Variants in PLXNA4 observed in about 807,000 individuals in gnomAD.
The protein encoded by PLXNA4 is plexin-A4.
Under a neutral mutation model 191.8 loss-of-function variants are expected in PLXNA4, and 44 were observed. The ratio of observed to expected loss-of-function variants is 0.23; its 90% CI spans 0.18 to 0.29. PLXNA4 has a LOEUF of 0.29. PLXNA4 is among the 10% of genes least tolerant of loss of function. PLXNA4 has a pLI of 1.00. For synonymous variants in PLXNA4, 1,082 were observed against 1,009.5 expected, an observed-to-expected ratio of 1.07 and a Z score of -1.36; for missense variants, 1,800 against 2,488.8, an observed-to-expected ratio of 0.72 and a Z score of 5.89.
intron 1 of PLXNA4, among the ~76,000 whole-genome samples, chr7:132,528,500 A>G (rs1799499528): frequency 6.6e-6 from 1 of 152,236 alleles, no homozygotes; most frequent in South Asian, 2.1e-4. Context: ...GGATTAAGCC[A>G]GTCATGCTGG....
intron 2 of PLXNA4, among the ~76,000 whole-genome samples, chr7:132,635,342 C>G (rs535713162): frequency 6.6e-6 from 1 of 152,096 alleles, no homozygotes; most frequent in South Asian, 2.1e-4. Context: ...AGCACAGCAC[C>G]TGGCACAGAG....
intron 3 of PLXNA4, among the ~76,000 whole-genome samples, chr7:132,334,087 T>C (rs1052133226): frequency 6.6e-6 from 1 of 152,156 alleles, no homozygotes; most frequent in African/African-American, 2.4e-5. Context: ...ACATTATATG[T>C]AATCTCCTTA....
chr7:132,253,875 C>G (rs1435374678), intron 4 of PLXNA4, among the ~76,000 whole-genome samples: 1 of 152,196 alleles, frequency 6.6e-6, no homozygotes, highest in African/African-American at 2.4e-5. Flanking sequence ...CTACAGCCCC[C>G]ATATGTGCAG....
rs1794759526 is a variant in PLXNA4 at position 132,126,005 on chromosome 7, G to A, written c.*4474C>T. ...CTCACTGCTTGGCTGTCTGTGAGGT[G>A]GGAGGTTTGTCCTTGACTGATAACA... On this transcript the variant is annotated 3_prime_UTR_variant, in exon 32 of 32. Transcript: ENST00000321063. 1 of 152,286 alleles carries A rather than the reference G, an allele frequency of 6.6e-6. No individual in the cohort carries two copies. The highest frequency in any genetic ancestry group is 2.4e-5 in the African/African-American group (1 of 41,430). The allele number at this position is 152,286 out of a possible 1,614,324, so 9.4% of individuals were successfully genotyped here.
At chr7:132,603,356 T>C (rs1563191995) in intron 2 of PLXNA4, among the ~76,000 whole-genome samples, 1 of 152,126 alleles carries the variant, frequency 6.6e-6, no homozygotes, top group Non-Finnish European at 1.5e-5. Context: ...GTCACCAGAA[T>C]CCCTTGTCAG....
At chr7:132,220,581 A>G (rs1054934528) in intron 9 of PLXNA4, among the ~76,000 whole-genome samples, 4 of 152,120 alleles carry the variant, frequency 2.6e-5, no homozygotes, top group Non-Finnish European at 5.9e-5. Flanking sequence ...GCAAGAGCTT[A>G]GTACATACAG....
At chr7:132,425,146 A>C (rs532774383) in intron 3 of PLXNA4, among the ~76,000 whole-genome samples, 1 of 152,342 alleles carries the variant, frequency 6.6e-6, no homozygotes, top group Non-Finnish European at 1.5e-5. Context: ...TTGGAGGCTC[A>C]GGCCATGTCA....
At chr7:132,256,871 TG>T (rs1242341222) in intron 4 of PLXNA4, among the ~76,000 whole-genome samples, 2 of 152,040 alleles carry the variant, frequency 1.3e-5, no homozygotes, top group Non-Finnish European at 2.9e-5. Context: ...TGGAAGGCTA[TG>T]GGGGCACAGG....
At chr7:132,362,220 G>A (rs370990237) in intron 3 of PLXNA4, among the ~76,000 whole-genome samples, 4 of 152,304 alleles carry the variant, frequency 2.6e-5, no homozygotes, top group East Asian at 3.9e-4. Context: ...TCATACTTCC[G>A]TCTTCAATGG....
chr7:132,637,676 C>G (rs956021731), intron 2 of PLXNA4, among the ~76,000 whole-genome samples: 1 of 152,298 alleles, frequency 6.6e-6, no homozygotes, highest in East Asian at 1.9e-4. Flanking sequence ...AGTTTCCCCA[C>G]TTGTGATGTA....
Position 132,213,178 on chromosome 7 carries a change from T to TG in PLXNA4, c.2098-2036dup, listed in dbSNP as rs142876165. Among the ~76,000 whole-genome samples the TG allele has an allele frequency of 8.5e-3, 1,287 of 152,250 alleles. 20 individuals are homozygous for TG. Among genetic ancestry groups the TG allele is most frequent in the African/African-American group, 0.029 (1,224 of 41,520 alleles). ...GGCAAATACTGCAGGGTTCCACTTGTGGGAGGTCCCTTGAGCAGTCAAATT... is the reference window on the plus strand; with the variant it reads ...GGCAAATACTGCAGGGTTCCACTTGTGGGGAGGTCCCTTGAGCAGTCAAATT... On this transcript the variant is annotated intron_variant, in intron 9 of 31. Transcript: ENST00000321063.
chr7:132,256,011 G>A (rs947361819), intron 4 of PLXNA4, among the ~76,000 whole-genome samples: 2 of 152,180 alleles, frequency 1.3e-5, no homozygotes, highest in South Asian at 2.1e-4. Context: ...AACCAAAAGC[G>A]TGCCCTGGGT....
chr7:132,214,868 A>G (rs1448543244), intron 9 of PLXNA4, among the ~76,000 whole-genome samples: 1 of 152,158 alleles, frequency 6.6e-6, no homozygotes, highest in Non-Finnish European at 1.5e-5. Context: ...AACCATGACT[A>G]GGGACTGAAA....
intron 3 of PLXNA4, among the ~76,000 whole-genome samples, chr7:132,353,388 A>G (rs1049348839): frequency 3.9e-5 from 6 of 152,060 alleles, no homozygotes; most frequent in Admixed American, 6.5e-5. Flanking sequence ...TGCAATGCCA[A>G]TTGCTATAAT....
At chr7:132,212,793 G>A (rs1166761282) in intron 9 of PLXNA4, among the ~76,000 whole-genome samples, 2 of 152,250 alleles carry the variant, frequency 1.3e-5, no homozygotes, top group East Asian at 3.9e-4. Context: ...TCATGGGAGT[G>A]CCCCAGGCCC....
chr7:132,632,796 G>A (rs2116880861), intron 2 of PLXNA4, among the ~76,000 whole-genome samples: 1 of 152,286 alleles, frequency 6.6e-6, no homozygotes, highest in African/African-American at 2.4e-5. Context: ...AATAAATTTA[G>A]ACTTATGAAA....
chr7:132,507,024 AT>A (rs1798491086), intron 2 of PLXNA4, among the ~76,000 whole-genome samples: 1 of 152,146 alleles, frequency 6.6e-6, no homozygotes, highest in Admixed American at 6.5e-5. Flanking sequence ...GAAATTCCAT[AT>A]CTATCCCAAA....
intron 1 of PLXNA4, among the ~76,000 whole-genome samples, chr7:132,552,363 G>T (rs1225711757): frequency 1.3e-5 from 2 of 152,144 alleles, no homozygotes; most frequent in Non-Finnish European, 2.9e-5. Context: ...AAGTCACAGG[G>T]GGAGTTATTT....
At chr7:132,494,366 G>A (rs1216426318) in intron 2 of PLXNA4, among the ~76,000 whole-genome samples, 2 of 152,154 alleles carry the variant, frequency 1.3e-5, no homozygotes, top group South Asian at 4.1e-4. Flanking sequence ...TTGGGTGGGG[G>A]CTCAGACATC....
Sources: allele counts gnomAD v4.1 joint callset (sites outside exome capture counted in the v4.1 genomes callset), GRCh38; gene constraint gnomAD v4.1.1; transcripts MANE v1.5; gene names NCBI Gene and HGNC (gene_info 2026-07-23, HGNC 2026-07-21).